The following UBLCP1 variants were observed in gnomAD, a reference collection of about 807,000 sequenced individuals.
The protein encoded by UBLCP1 is ubiquitin like domain containing CTD phosphatase 1.
Under a neutral mutation model 42.4 loss-of-function variants are expected in UBLCP1, and 28 were observed. That is an observed-to-expected ratio of 0.66 (90% CI 0.49 to 0.90). The LOEUF (loss-of-function observed/expected upper bound fraction) is 0.90, where lower values mean the gene tolerates loss of function less well. Among genes scored for constraint, UBLCP1 ranks in the 40% least tolerant of loss-of-function variants. The pLI is 0.00. For synonymous variants in UBLCP1, 122 were observed against 120.8 expected (o/e 1.01, Z -0.07); for missense variants, 279 against 374.5 (o/e 0.75, Z 2.10).
chr5:159,273,815 C>T (rs1753500019), intron 6 of UBLCP1, among the ~76,000 whole-genome samples: 1 of 144,964 alleles, frequency 6.9e-6, no homozygotes, highest in Non-Finnish European at 1.5e-5. Flanking sequence ...AACTCAGGTT[C>T]CTCTTTTGCT....
At chr5:159,284,854 C>T (rs369778798) in intron 10 of UBLCP1, 50 bp from the exon 11 acceptor site, 11 of 1,601,328 alleles carry the variant, frequency 6.9e-6, no homozygotes, top group African/African-American at 1.3e-5. Flanking sequence ...AGGTTATCTT[C>T]ATGAATTTAG....
intron 1 of UBLCP1, among the ~76,000 whole-genome samples, chr5:159,263,875 T>C (rs1472142441): frequency 6.6e-6 from 1 of 152,240 alleles, no homozygotes; most frequent in Non-Finnish European, 1.5e-5. Flanking sequence ...TGCTATACTT[T>C]AAAATTTCTT....
chr5:159,277,208 CAA>C (rs527894992), intron 8 of UBLCP1, among the ~76,000 whole-genome samples: 49 of 150,746 alleles, frequency 3.3e-4, no homozygotes, highest in African/African-American at 1.2e-3. Flanking sequence ...CGGTAGTAAA[CAA>C]GATCAGTAGC....
In UBLCP1 at chr5:159,266,595, C is replaced by T. The variant is rs556492554; in HGVS notation, c.-46-2275C>T. Among the ~76,000 whole-genome samples the T allele has an allele frequency of 5.6e-4, 85 of 152,302 alleles. 2 individuals carry two copies. Among genetic ancestry groups the T allele is most frequent in the African/African-American group, 1.9e-3 (78 of 41,572 alleles). On this transcript the variant is annotated intron_variant, in intron 1 of 10. Transcript: ENST00000296786. ...GGAGCCTAATGTTAATCCCCTAGAC[C>T]GTGGGGAAAATGTCTCCAGGCTATG... is the stretch of plus-strand genomic sequence containing the variant.
chr5:159,278,497 A>G, intron 9 of UBLCP1, 143 bp downstream of exon 9: 1 of 690,402 alleles, frequency 1.4e-6, no homozygotes, highest in Non-Finnish European at 2.6e-6. Context: ...AGAATAATTC[A>G]TATAGAAATT....
chr5:159,268,622 A>G (rs1441861300), intron 1 of UBLCP1, among the ~76,000 whole-genome samples: 1 of 152,198 alleles, frequency 6.6e-6, no homozygotes, highest in Non-Finnish European at 1.5e-5. Context: ...ATAATTGCAC[A>G]TTTCCAGTTG....
At chr5:159,283,486 T>C (rs934230593) in intron 10 of UBLCP1, 147 bp downstream of exon 10, 4 of 642,444 alleles carry the variant, frequency 6.2e-6, no homozygotes, top group Non-Finnish European at 7.6e-6. Context: ...TCCAGTGACC[T>C]ACCCCCAAAA....
At position 159,269,075 on chromosome 5, in the gene UBLCP1, T is replaced by C. The variant is rs777042289; in HGVS notation, c.154+6T>C. ...ACTTGGACTCAAAGTTAAAGGTAAT[T>C]CTCTCCCCTCTTCAGATTTTTTGCA... On this transcript the variant is annotated splice_donor_region_variant and intron_variant, in intron 2 of 10. Coordinates refer to ENST00000296786, the MANE Select transcript of UBLCP1 (RefSeq NM_145049.5). The C allele has an allele frequency of 6.5e-7, 1 of 1,536,742 alleles. No homozygotes were observed. The highest frequency in any genetic ancestry group is 1.3e-5 in the South Asian group (1 of 75,594).
At chr5:159,269,197 C>T (rs1004516141) in intron 2 of UBLCP1, 128 bp downstream of exon 2, 31 of 623,058 alleles carry the variant, frequency 5.0e-5, no homozygotes, top group South Asian at 2.4e-4. Context: ...CTCTCCCTTT[C>T]GAGATTTCTC....
chr5:159,278,500 T>C (rs1400693932), intron 9 of UBLCP1, 146 bp downstream of exon 9: 1 of 684,808 alleles, frequency 1.5e-6, no homozygotes, highest in East Asian at 2.6e-5. Context: ...ATAATTCATA[T>C]AGAAATTGAA....
chr5:159,263,915 G>A (rs1339279375), intron 1 of UBLCP1, among the ~76,000 whole-genome samples: 2 of 152,066 alleles, frequency 1.3e-5, no homozygotes, highest in Non-Finnish European at 2.9e-5. Context: ...TTGTGGTCCC[G>A]GGCAAGTTTA....
intron 9 of UBLCP1, among the ~76,000 whole-genome samples, chr5:159,280,734 T>C (rs1753597875): frequency 6.6e-6 from 1 of 152,230 alleles, no homozygotes; most frequent in Non-Finnish European, 1.5e-5. Context: ...TTTAAAATAG[T>C]TAACTTCTAT....
intron 8 of UBLCP1, among the ~76,000 whole-genome samples, chr5:159,275,861 T>A (rs896545257): frequency 6.6e-6 from 1 of 152,126 alleles, no homozygotes; most frequent in Non-Finnish European, 1.5e-5. Context: ...CTGAATATTA[T>A]CAAGGAAGAT....
In UBLCP1 at chr5:159,275,207, TATG is replaced by T. The variant is rs749028537; in HGVS notation, c.648_650del (p.Met216del). On this transcript the variant is annotated inframe_deletion, in exon 8 of 11. Transcript: ENST00000296786. The stretch of plus-strand genomic sequence containing the variant: ...TTACTTTCATGTTGGATAGTGCTGC[TATG>T]ATAACAGTACATACTCCAAGGAGAG... 4 of 1,613,144 alleles carry T rather than the reference TATG, an allele frequency of 2.5e-6. No homozygotes were observed. The highest frequency in any genetic ancestry group is 2.5e-6 in the Non-Finnish European group (3 of 1,179,798).
At chr5:159,284,055 A>G (rs1753641490) in intron 10 of UBLCP1, among the ~76,000 whole-genome samples, 1 of 152,190 alleles carries the variant, frequency 6.6e-6, no homozygotes, top group African/African-American at 2.4e-5. Context: ...TATTTGTGTA[A>G]TAATAACACT....
At chr5:159,263,468 G>A (rs1753328646) in intron 1 of UBLCP1, 108 bp downstream of exon 1, 1 of 152,408 alleles carries the variant, frequency 6.6e-6, no homozygotes, top group South Asian at 2.1e-4. Flanking sequence ...CGGCGGGCTG[G>A]GGATAGTGTC....
At chr5:159,279,776 A>G (rs1753585328) in intron 9 of UBLCP1, among the ~76,000 whole-genome samples, 1 of 152,228 alleles carries the variant, frequency 6.6e-6, no homozygotes. Flanking sequence ...TAAAGGTACA[A>G]AAATGTATTC....
At chr5:159,278,631 G>A (rs1753566396) in intron 9 of UBLCP1, among the ~76,000 whole-genome samples, 1 of 152,080 alleles carries the variant, frequency 6.6e-6, no homozygotes, top group Admixed American at 6.5e-5. Flanking sequence ...AGAGTGTGGT[G>A]GTGCGATCTC....
At chr5:159,265,110 T>C (rs531752821) in intron 1 of UBLCP1, among the ~76,000 whole-genome samples, 12 of 152,364 alleles carry the variant, frequency 7.9e-5, no homozygotes, top group African/African-American at 1.7e-4. Context: ...GTAGAACACA[T>C]TGTAAACATA....
Sources: allele counts gnomAD v4.1 joint callset (sites outside exome capture counted in the v4.1 genomes callset), GRCh38; gene constraint gnomAD v4.1.1; transcripts MANE v1.5; gene names NCBI Gene and HGNC (gene_info 2026-07-23, HGNC 2026-07-21).